Variants in BEND4 observed in about 807,000 individuals in gnomAD.
BEND4 encodes the protein BEN domain containing 4.
A neutral mutation model predicts 54.7 loss-of-function variants in BEND4; 27 were observed. The observed-to-expected ratio is 0.49, with a 90% CI of 0.36 to 0.68. The LOEUF is 0.68. Ranked by LOEUF, BEND4 falls within the 30% of genes least tolerant of loss-of-function variation. BEND4 has a pLI of 0.00. For missense variants in BEND4, 702 were observed against 697.2 expected, an observed-to-expected ratio of 1.01 and a Z score of -0.08; for synonymous variants, 327 against 299.5, an observed-to-expected ratio of 1.09 and a Z score of -0.95.
chr4:42,114,104 T>C lies in BEND4; in HGVS notation c.*3414A>G, dbSNP rs984364214. 6.6e-6 allele frequency: 1 copy of C among 152,170 alleles called. No homozygotes were observed. Among genetic ancestry groups the C allele is most frequent in the Non-Finnish European group, 1.5e-5 (1 of 68,014 alleles). The allele number at this position is 152,170 out of a possible 1,614,324, so 9.4% of individuals were successfully genotyped here. On this transcript the variant is annotated 3_prime_UTR_variant, in exon 6 of 6. Coordinates refer to ENST00000502486, the MANE Select transcript of BEND4 (RefSeq NM_207406.4). ...TTCTTGAAAGCATTTAACACTAAGG[T>C]TAAGCCATGAGATTTTGAACAATGC...
intron 2 of BEND4, among the ~76,000 whole-genome samples, chr4:42,147,027 TGAA>T (rs1553923586): frequency 6.6e-6 from 1 of 152,198 alleles, no homozygotes; most frequent in Non-Finnish European, 1.5e-5. Flanking sequence ...TACTACATTA[TGAA>T]GATAATCTAT....
intron 3 of BEND4, among the ~76,000 whole-genome samples, chr4:42,125,959 T>C (rs1204377598): frequency 1.3e-5 from 2 of 152,144 alleles, no homozygotes; most frequent in Non-Finnish European, 2.9e-5. Context: ...CAGGATGGTC[T>C]TGAGCTCCTG....
rs1465222472 is a variant in BEND4, at chr4:42,152,309, GCAT to G, written c.-169_-167del. 1.7e-6 allele frequency: 1 copy of G among 572,656 alleles called. No individual in the cohort carries two copies. The highest frequency in any genetic ancestry group is 4.7e-5 in the Admixed American group (1 of 21,478). The allele number at this position is 572,656 out of a possible 1,614,324, so 35.5% of individuals were successfully genotyped here. On this transcript the variant is annotated 5_prime_UTR_variant, in exon 2 of 6. The change abolishes an upstream ATG in the 5' untranslated region. Transcript: ENST00000502486. Reference sequence around the variant, plus strand: ...CCGCCGCCGCCTGTCGCTGAGGCTGGCATCGCCGAGCCCCCGCGCGGGGGGCTG... The same window carrying G: ...CCGCCGCCGCCTGTCGCTGAGGCTGGCGCCGAGCCCCCGCGCGGGGGGCTG...
Position 42,143,843 on chromosome 4 carries a change from C to T in BEND4, c.639G>A (p.Glu213=), listed in dbSNP as rs1244426709. The T allele has an allele frequency of 6.4e-7, 1 of 1,567,272 alleles. No individual in the cohort carries two copies. The highest frequency in any genetic ancestry group is 1.4e-5 in the African/African-American group (1 of 73,388). The change falls in exon 3 of 6, where the codon GAG becomes GAA. Residue 213 remains glutamate, a synonymous_variant. Transcript: ENST00000502486. ...QEGSSYNERQ[E]HCHIGKGVHS... The stretch of plus-strand genomic sequence containing the variant: ...GGACCCCTTTCCCAATGTGACAGTG[C>T]TCCTGTCTTTCGTTGTAACTTGAGC...
chr4:42,123,570 C>G (rs1318003696), intron 4 of BEND4, among the ~76,000 whole-genome samples: 1 of 151,698 alleles, frequency 6.6e-6, no homozygotes, highest in African/African-American at 2.4e-5. Flanking sequence ...GGGAGAGCTT[C>G]CTGGAAGAAG....
rs1719641615 is a variant in BEND4 at position 42,113,130 on chromosome 4, C to CAT, written c.*4386_*4387dup. On this transcript the variant is annotated 3_prime_UTR_variant, in exon 6 of 6. Coordinates refer to ENST00000502486, the MANE Select transcript of BEND4 (RefSeq NM_207406.4). The stretch of plus-strand genomic sequence containing the variant: ...TTCTGGCACGTGTTGCCACATTAAA[C>CAT]ATACACCAGCAAGACTTGCACCATA... 6.6e-6 allele frequency: 1 copy of CAT among 152,218 alleles called. No homozygotes were observed. Among genetic ancestry groups the CAT allele is most frequent in the Non-Finnish European group, 1.5e-5 (1 of 68,030 alleles). 9.4% of individuals were successfully genotyped at this position (152,218 alleles called of 1,614,324 possible). A position where few individuals can be genotyped will look rare whatever the true frequency, so the allele number is the denominator to read the frequency against.
chr4:42,138,549 A>G lies in BEND4; in HGVS notation c.1054+4879T>C, dbSNP rs1470772885. ...GTGACAAATTTGTACCGTACTTGAGATTAAGGCTATCGAACAGATTGTAGC... is the reference window on the plus strand; with the variant it reads ...GTGACAAATTTGTACCGTACTTGAGGTTAAGGCTATCGAACAGATTGTAGC... On this transcript the variant is annotated intron_variant, in intron 3 of 5. Transcript: ENST00000502486. Among the ~76,000 whole-genome samples, 3 of 152,190 alleles carry G rather than the reference A, an allele frequency of 2.0e-5. No homozygotes were observed. In the East Asian group the frequency reaches 5.8e-4, roughly 29 times the overall value.
At chr4:42,119,495 A>G (rs1719979009) in intron 5 of BEND4, among the ~76,000 whole-genome samples, 1 of 152,162 alleles carries the variant, frequency 6.6e-6, no homozygotes, top group African/African-American at 2.4e-5. Flanking sequence ...CAAAGTAATC[A>G]GCTATTAATA....
intron 2 of BEND4, 113 bp from the exon 3 acceptor site, chr4:42,144,107 T>A (rs1407939991): frequency 6.2e-6 from 5 of 802,138 alleles, no homozygotes; most frequent in Non-Finnish European, 1.0e-5. Flanking sequence ...ATTTCTACTG[T>A]CTGTCATAAA....
At chr4:42,141,695 G>A (rs1049506489) in intron 3 of BEND4, among the ~76,000 whole-genome samples, 1 of 152,078 alleles carries the variant, frequency 6.6e-6, no homozygotes, top group African/African-American at 2.4e-5. Context: ...GAGCCAAGAC[G>A]GCACCACTGC....
chr4:42,132,326 G>C (rs1720536387), intron 3 of BEND4, among the ~76,000 whole-genome samples: 1 of 152,232 alleles, frequency 6.6e-6, no homozygotes, highest in African/African-American at 2.4e-5. Context: ...GGAAGAGAGA[G>C]TGAGTCTTGG....
In BEND4 at chr4:42,112,696, T is replaced by C. The variant is rs1413942040; in HGVS notation, c.*4822A>G. 6.6e-6 allele frequency: 1 copy of C among 152,218 alleles called. No individual in the cohort carries two copies. 9.4% of individuals were successfully genotyped at this position (152,218 alleles called of 1,614,324 possible). Reference sequence around the variant, plus strand: ...CAACCTCTCAGTGTTAACCTGCAACTGAACATATTGTGGCGTGTGAAAGTG... The same window carrying C: ...CAACCTCTCAGTGTTAACCTGCAACCGAACATATTGTGGCGTGTGAAAGTG... On this transcript the variant is annotated 3_prime_UTR_variant, in exon 6 of 6. Transcript: ENST00000502486.
intron 4 of BEND4, among the ~76,000 whole-genome samples, chr4:42,124,798 G>A (rs1720209693): frequency 6.6e-6 from 1 of 152,218 alleles, no homozygotes; most frequent in Non-Finnish European, 1.5e-5. Context: ...TGACACTAGA[G>A]ATGAGACCCG....
intron 4 of BEND4, among the ~76,000 whole-genome samples, chr4:42,123,486 T>C (rs2153144961): frequency 6.6e-6 from 1 of 151,976 alleles, no homozygotes; most frequent in East Asian, 1.9e-4. Flanking sequence ...GTACATTTAC[T>C]ATTAAGCAAG....
Position 42,152,369 on chromosome 4 carries a change from G to A in BEND4, c.-226C>T. 1 of 317,916 alleles carries A rather than the reference G, an allele frequency of 3.1e-6. No individual in the cohort carries two copies. The highest frequency in any genetic ancestry group is 5.7e-6 in the Non-Finnish European group (1 of 174,674). The allele number at this position is 317,916 out of a possible 1,614,324, so 19.7% of individuals were successfully genotyped here. A position where few individuals can be genotyped will look rare whatever the true frequency, so the allele number is the denominator to read the frequency against. ...GAGCTCCTGATTGACAGGCTGCCTC[G>A]CCAATGCCTGGAGGGAGAAAGGAGG... is the stretch of plus-strand genomic sequence containing the variant. On this transcript the variant is annotated 5_prime_UTR_variant, in exon 2 of 6. Coordinates refer to ENST00000502486, the MANE Select transcript of BEND4 (RefSeq NM_207406.4).
At chr4:42,150,288 C>T (rs1200774172) in intron 2 of BEND4, among the ~76,000 whole-genome samples, 1 of 151,976 alleles carries the variant, frequency 6.6e-6, no homozygotes, top group Non-Finnish European at 1.5e-5. Flanking sequence ...AATATTGGGG[C>T]AAGAGCAACT....
chr4:42,117,724 T>C lies in BEND4; in HGVS notation c.1399A>G (p.Met467Val). The change falls in exon 6 of 6, where the codon ATG becomes GTG. Residue 467 changes from methionine to valine, a missense_variant. Transcript: ENST00000502486. ...KVTCLREFIR[M>V]HCTSNPDWWM... ...CAATCGGGGTTGGAGGTACAATGCA[T>C]CCTAATGAATTCTGCAGGAATATAT... 4 of 1,599,750 alleles carry C rather than the reference T, an allele frequency of 2.5e-6. No homozygotes were observed. The highest frequency in any genetic ancestry group is 3.4e-6 in the Non-Finnish European group (4 of 1,172,510).
At position 42,152,068 on chromosome 4, in the gene BEND4, C is replaced by T. The variant is rs1031214629; in HGVS notation, c.76G>A (p.Val26Ile). 4.8e-6 allele frequency: 6 copies of T among 1,253,008 alleles called. No individual in the cohort carries two copies. The highest frequency in any genetic ancestry group is 6.1e-6 in the Non-Finnish European group (6 of 991,630). The allele number at this position is 1,253,008 out of a possible 1,614,324, so 77.6% of individuals were successfully genotyped here. Reference sequence around the variant, plus strand: ...CTCTTGCTGGGGAACGTCTTGAGGACGCTGTAGGGGCTGCGCTGCTTGTAG... The same window carrying T: ...CTCTTGCTGGGGAACGTCTTGAGGATGCTGTAGGGGCTGCGCTGCTTGTAG... Reference protein sequence around the residue: ...KIYKQRSPYSVLKTFPSKRPA... With the variant: ...KIYKQRSPYSILKTFPSKRPA... The change falls in exon 2 of 6, where the codon GTC becomes ATC. Residue 26 changes from valine (V) to isoleucine (I), a missense_variant. Transcript: ENST00000502486.
rs956497856 is a variant in BEND4, at chr4:42,115,892, G to A, written c.*1626C>T. ...ATTTTAGTTAATTTTCTCAAAACAGGATTGAAATATTAGTGCCCACTACAT... is the reference window on the plus strand; with the variant it reads ...ATTTTAGTTAATTTTCTCAAAACAGAATTGAAATATTAGTGCCCACTACAT... On this transcript the variant is annotated 3_prime_UTR_variant, in exon 6 of 6. Transcript: ENST00000502486. 4.6e-5 allele frequency: 7 copies of A among 152,116 alleles called. No individual in the cohort carries two copies. Among genetic ancestry groups the A allele is most frequent in the Non-Finnish European group, 8.8e-5 (6 of 68,018 alleles). 9.4% of individuals were successfully genotyped at this position (152,116 alleles called of 1,614,324 possible).
Sources: gnomAD v4.1 joint callset for allele counts (sites outside exome capture counted in the v4.1 genomes callset) on GRCh38, gnomAD v4.1.1 for gene constraint, MANE v1.5 for transcripts, NCBI Gene and HGNC (gene_info 2026-07-23, HGNC 2026-07-21) for gene names.